The following MTG2 variants were observed in gnomAD, a reference collection of about 807,000 sequenced individuals.
MTG2 encodes the protein mitochondrial ribosome-associated GTPase 2.
In MTG2, 23 loss-of-function variants were observed where a neutral mutation model predicts 28.6. The ratio of observed to expected loss-of-function variants is 0.80; its 90% CI spans 0.58 to 1.14. The LOEUF (loss-of-function observed/expected upper bound fraction) is 1.14, where lower values mean the gene tolerates loss of function less well. Ranked by LOEUF, MTG2 falls within the 50% of genes most tolerant of loss-of-function variation. MTG2 has a pLI of 0.00. For missense variants in MTG2, 539 were observed against 552.0 expected (o/e 0.98, Z 0.24); for synonymous variants, 260 against 251.8 (o/e 1.03, Z -0.31).
At chr20:62,186,528 G>GTTTTTTTTTTTT (rs56818308) in intron 1 of MTG2, among the ~76,000 whole-genome samples, 1 of 127,048 alleles carries the variant, frequency 7.9e-6, no homozygotes, top group Admixed American at 8.7e-5. Context: ...TTTTTTTTTT[G>GTTTTTTTTTTTT]TTTTTTTTTT....
In MTG2 at chr20:62,200,927, C is replaced by T. The variant is rs1198507836; in HGVS notation, c.1071C>T (p.Ser357=). 1 of 1,614,074 alleles carries T rather than the reference C, an allele frequency of 6.2e-7. No homozygotes were observed. The highest frequency in any genetic ancestry group is 1.7e-5 in the Admixed American group (1 of 60,034). The change falls in exon 7 of 7, where the codon TCC becomes TCT. Residue 357 remains serine, a synonymous_variant. Transcript: ENST00000370823. ...IDLPEAQANL[S]QLRDHLGQEV... ...TCCCTGAAGCCCAAGCCAATCTGTC[C>T]CAGCTCCGGGATCACTTGGGACAGG... is the stretch of plus-strand genomic sequence containing the variant.
At chr20:62,183,355 G>A (rs1194826165) in intron 1 of MTG2, among the ~76,000 whole-genome samples, 2 of 152,218 alleles carry the variant, frequency 1.3e-5, no homozygotes, top group Admixed American at 1.3e-4. Context: ...AGCCACCCCG[G>A]TGGTGCTCTG....
At chr20:62,199,684 G>T (rs1279958270) in intron 6 of MTG2, among the ~76,000 whole-genome samples, 19 of 131,798 alleles carry the variant, frequency 1.4e-4, no homozygotes, top group Admixed American at 4.1e-4. Flanking sequence ...TTTTCCTAAT[G>T]TAAACAACTT....
intron 1 of MTG2, among the ~76,000 whole-genome samples, chr20:62,187,422 C>G (rs2145830003): frequency 6.6e-6 from 1 of 152,212 alleles, no homozygotes; most frequent in African/African-American, 2.4e-5. Context: ...CTGTTTCTTC[C>G]TGGAATGTTA....
Position 62,199,132 on chromosome 20 carries a change from A to G in MTG2, c.701A>G (p.Asn234Ser), listed in dbSNP as rs373276656. 4.1e-5 allele frequency: 66 copies of G among 1,613,908 alleles called. No homozygotes were observed. The highest frequency in any genetic ancestry group is 2.7e-4 in the East Asian group (12 of 44,864). The change falls in exon 6 of 7, where the codon AAC becomes AGC. Residue 234 changes from asparagine (N) to serine (S), a missense_variant. Coordinates refer to ENST00000370823, the MANE Select transcript of MTG2 (RefSeq NM_015666.4). ...VAHAGMVGFP[N>S]AGKSSLLRAI... Reference sequence around the variant, plus strand: ...TCTTTCCCCCAGGTGGGATTCCCCAACGCCGGGAAGTCCTCACTGCTCCGG... The same window carrying G: ...TCTTTCCCCCAGGTGGGATTCCCCAGCGCCGGGAAGTCCTCACTGCTCCGG...
rs1171342498 is a variant in MTG2, at chr20:62,202,584, C to T, written c.*1507C>T. On this transcript the variant is annotated 3_prime_UTR_variant, in exon 7 of 7. Coordinates refer to ENST00000370823, the MANE Select transcript of MTG2 (RefSeq NM_015666.4). ...TGGCTAACACAGTGAAACCCCGTCT[C>T]TACTAAAAATACAAAAAAATTAGCC... 2.6e-5 allele frequency: 4 copies of T among 152,280 alleles called. No individual in the cohort carries two copies. The highest frequency in any genetic ancestry group is 5.9e-5 in the Non-Finnish European group (4 of 68,174). The allele number at this position is 152,280 out of a possible 1,614,324, so 9.4% of individuals were successfully genotyped here. A position where few individuals can be genotyped will look rare whatever the true frequency, so the allele number is the denominator to read the frequency against.
At chr20:62,196,305 C>T (rs1246982405) in intron 3 of MTG2, among the ~76,000 whole-genome samples, 2 of 150,550 alleles carry the variant, frequency 1.3e-5, no homozygotes, top group Admixed American at 6.6e-5. Context: ...TGCAGTGAAT[C>T]GTGATCACAC....
At chr20:62,196,794 C>T (rs987043071) in intron 3 of MTG2, among the ~76,000 whole-genome samples, 17 of 151,270 alleles carry the variant, frequency 1.1e-4, no homozygotes, top group African/African-American at 3.4e-4. Context: ...TTTGGGAGAC[C>T]GAGGCGGGTG....
intron 1 of MTG2, among the ~76,000 whole-genome samples, chr20:62,186,528 G>GTTTTTT (rs56818308): frequency 1.9e-4 from 24 of 127,092 alleles, no homozygotes; most frequent in South Asian, 2.6e-4. Flanking sequence ...TTTTTTTTTT[G>GTTTTTT]TTTTTTTTTT....
chr20:62,202,915 C>T lies in MTG2; in HGVS notation c.*1838C>T, dbSNP rs557239446. ...GTGGGGCGCGCTTTGCACAGCAGGCCGGTGCCTGGGCTTTCAGGAGCAATT... is the reference window on the plus strand; with the variant it reads ...GTGGGGCGCGCTTTGCACAGCAGGCTGGTGCCTGGGCTTTCAGGAGCAATT... On this transcript the variant is annotated 3_prime_UTR_variant, in exon 7 of 7. Transcript: ENST00000370823. 3.3e-5 allele frequency: 5 copies of T among 152,310 alleles called. No individual in the cohort carries two copies. The highest frequency in any genetic ancestry group is 9.6e-5 in the African/African-American group (4 of 41,556). 9.4% of individuals were successfully genotyped at this position (152,310 alleles called of 1,614,324 possible).
intron 1 of MTG2, among the ~76,000 whole-genome samples, chr20:62,189,735 G>A (rs1256399083): frequency 1.4e-5 from 2 of 141,958 alleles, no homozygotes; most frequent in Non-Finnish European, 3.0e-5. Context: ...ATGCAATCTC[G>A]GCTCACTGCA....
Position 62,195,945 on chromosome 20 carries a change from G to A in MTG2, c.348G>A (p.Leu116=). ...GDGGNGGHVI[L]RVDQQVKSLS... is the part of the protein sequence containing the mutation. ...GAGGCAACGGTGGACACGTCATTCT[G>A]AGAGGCAGGTGCCCTGGGGCAGTGC... is the stretch of plus-strand genomic sequence containing the variant. The change falls in exon 3 of 7, where the codon CTG becomes CTA. Residue 116 remains leucine, a synonymous_variant. Coordinates refer to ENST00000370823, the MANE Select transcript of MTG2 (RefSeq NM_015666.4). The A allele has an allele frequency of 6.2e-7, 1 of 1,614,016 alleles. No individual in the cohort carries two copies. The highest frequency in any genetic ancestry group is 8.5e-7 in the Non-Finnish European group (1 of 1,179,996).
chr20:62,190,321 A>G (rs1486979330), intron 1 of MTG2, among the ~76,000 whole-genome samples: 1 of 152,202 alleles, frequency 6.6e-6, no homozygotes, highest in Non-Finnish European at 1.5e-5. Flanking sequence ...TTGGAAGCCA[A>G]CTACGCAGTA....
In MTG2 at chr20:62,202,626, A is replaced by ATG. The variant is rs2058191691; in HGVS notation, c.*1549_*1550insTG. The ATG allele has an allele frequency of 6.6e-6, 1 of 151,966 alleles. No individual in the cohort carries two copies. The highest frequency in any genetic ancestry group is 1.5e-5 in the Non-Finnish European group (1 of 68,228). 9.4% of individuals were successfully genotyped at this position (151,966 alleles called of 1,614,324 possible). Reference sequence around the variant, plus strand: ...AAATTAGCCAGGCGTGGTGGCGGTCACCTGTAGTCCCAGCTACTCGGGAGG... The same window carrying ATG: ...AAATTAGCCAGGCGTGGTGGCGGTCATGCCTGTAGTCCCAGCTACTCGGGAGG... On this transcript the variant is annotated 3_prime_UTR_variant, in exon 7 of 7. Coordinates refer to ENST00000370823, the MANE Select transcript of MTG2 (RefSeq NM_015666.4).
chr20:62,196,691 C>T (rs1207918659), intron 3 of MTG2, among the ~76,000 whole-genome samples: 1 of 151,590 alleles, frequency 6.6e-6, no homozygotes, highest in African/African-American at 2.4e-5. Flanking sequence ...ACAAAACAAA[C>T]AAACAAAAAA....
In MTG2 at chr20:62,195,954, G is replaced by A. The variant is rs138480145; in HGVS notation, c.352+5G>A. ...GTGGACACGTCATTCTGAGAGGCAG[G>A]TGCCCTGGGGCAGTGCAGCGGGGTT... On this transcript the variant is annotated splice_donor_5th_base_variant and intron_variant, in intron 3 of 6. Coordinates refer to ENST00000370823, the MANE Select transcript of MTG2 (RefSeq NM_015666.4). The A allele has an allele frequency of 1.2e-5, 19 of 1,613,900 alleles. No individual in the cohort carries two copies. Among genetic ancestry groups the A allele is most frequent in the Admixed American group, 1.7e-5 (1 of 59,996 alleles).
chr20:62,192,614 T>C (rs564082670), intron 1 of MTG2, among the ~76,000 whole-genome samples: 5 of 152,270 alleles, frequency 3.3e-5, no homozygotes, highest in Non-Finnish European at 7.4e-5. Context: ...TGGCTTGGTC[T>C]TTATGATGAC....
In MTG2 at chr20:62,193,605, T is replaced by A. The variant is rs1337480532; in HGVS notation, c.185T>A (p.Leu62Gln). The A allele has an allele frequency of 1.2e-6, 2 of 1,612,296 alleles. No homozygotes were observed. The highest frequency in any genetic ancestry group is 3.3e-5 in the Admixed American group (2 of 59,894). ...AKHQELPGKKLLSEKKLKRYF... is the reference protein window; with the variant it reads ...AKHQELPGKKQLSEKKLKRYF... ...CATCAGGAACTCCCGGGGAAGAAGCTGCTCTCTGAGAAAAAGCTGGTGAGA... is the reference window on the plus strand; with the variant it reads ...CATCAGGAACTCCCGGGGAAGAAGCAGCTCTCTGAGAAAAAGCTGGTGAGA... Residue 62 changes from leucine to glutamine, a missense_variant, in exon 2 of 7, where the codon CTG (leucine) becomes CAG (glutamine). By Grantham distance (113) the Leu-to-Gln change is moderately radical. Transcript: ENST00000370823.
rs2058114762 is a variant in MTG2, at chr20:62,199,117, A to G, written c.688-2A>G. 6.2e-7 allele frequency: 1 copy of G among 1,613,888 alleles called. No individual in the cohort carries two copies. Among genetic ancestry groups the G allele is most frequent in the Non-Finnish European group, 8.5e-7 (1 of 1,179,904 alleles). On this transcript the variant is annotated splice_acceptor_variant, in intron 5 of 6. Coordinates refer to ENST00000370823, the MANE Select transcript of MTG2 (RefSeq NM_015666.4). LOFTEE classifies it high-confidence loss of function. ...TGCCACCGTCTTCCCTCTTTCCCCC[A>G]GGTGGGATTCCCCAACGCCGGGAAG...
Sources: gnomAD v4.1 joint callset for allele counts (sites outside exome capture counted in the v4.1 genomes callset) on GRCh38, gnomAD v4.1.1 for gene constraint, MANE v1.5 for transcripts, NCBI Gene and HGNC (gene_info 2026-07-23, HGNC 2026-07-21) for gene names.